Variants in DPYSL4 observed in about 807,000 individuals in gnomAD.
The protein encoded by DPYSL4 is dihydropyrimidinase like 4.
DPYSL4 carries 43 observed loss-of-function variants against 63.4 expected under a neutral mutation model. The ratio of observed to expected loss-of-function variants is 0.68; its 90% CI spans 0.53 to 0.88. The LOEUF (loss-of-function observed/expected upper bound fraction) is 0.88. DPYSL4 is among the 40% of genes least tolerant of loss of function. The pLI is 0.00. For missense variants in DPYSL4, 733 were observed against 819.5 expected, an observed-to-expected ratio of 0.89 and a Z score of 1.29; for synonymous variants, 353 against 331.7, an observed-to-expected ratio of 1.06 and a Z score of -0.70.
In DPYSL4 at chr10:132,194,942, G is replaced by A; in HGVS notation, c.411G>A (p.Leu137=). ...GCGCGGCCTGCTGCGACTACTCCCT[G>A]CACGTGGACATCACCCGATGGCATG... The part of the protein sequence containing the change: ...ADSAACCDYS[L]HVDITRWHES... The change falls in exon 4 of 14, where the codon CTG becomes CTA. Residue 137 remains leucine (L), a synonymous_variant. Transcript: ENST00000338492. 6.2e-7 allele frequency: 1 copy of A among 1,611,992 alleles called. No individual in the cohort carries two copies. The highest frequency in any genetic ancestry group is 1.1e-5 in the South Asian group (1 of 91,072).
chr10:132,202,194 A>G, intron 11 of DPYSL4, 78 bp downstream of exon 11: 1 of 1,526,078 alleles, frequency 6.6e-7, no homozygotes, highest in Non-Finnish European at 8.8e-7. Flanking sequence ...GGAGAGGCGC[A>G]GGACAGAGGC....
intron 12 of DPYSL4, 196 bp from the exon 13 acceptor site, chr10:132,203,566 G>A: frequency 1.7e-6 from 1 of 588,406 alleles, no homozygotes; most frequent in Admixed American, 3.0e-5. Flanking sequence ...AGGACTGCAA[G>A]GAGGGAGGCG....
chr10:132,203,955 G>T, intron 13 of DPYSL4, 28 bp downstream of exon 13: 1 of 1,578,440 alleles, frequency 6.3e-7, no homozygotes. Context: ...CACCAGTGGG[G>T]GTGAGGGGCT....
chr10:132,203,825 C>T lies in DPYSL4; in HGVS notation c.1525C>T (p.Pro509Ser). 2 of 1,612,744 alleles carry T rather than the reference C, an allele frequency of 1.2e-6. No homozygotes were observed. Among genetic ancestry groups the T allele is most frequent in the Non-Finnish European group, 1.7e-6 (2 of 1,179,772 alleles). Residue 509 changes from proline (P) to serine (S), a missense_variant, in exon 13 of 14, where the codon CCT (proline) becomes TCT (serine). By Grantham distance (74) the Pro-to-Ser change is moderately conservative. Coordinates refer to ENST00000338492, the MANE Select transcript of DPYSL4 (RefSeq NM_006426.3). Reference protein sequence around the residue: ...YDGPVHEVMVPAKPGSGAPAR... With the variant: ...YDGPVHEVMVSAKPGSGAPAR... ...CGGGCCCGTCCACGAGGTGATGGTG[C>T]CTGCCAAGCCAGGGAGTGGCGCTCC...
rs1401630210 is a variant in DPYSL4, at chr10:132,202,822, C to G, written c.1458C>G (p.Asn486Lys). The change falls in exon 12 of 14, where the codon AAC becomes AAG. Residue 486 changes from asparagine to lysine, a missense_variant. Transcript: ENST00000338492. ...TCTACAAGAGGATCAAAGCTCGCAA[C>G]AGGGTAGGGCGGCACCCGCAAGGGT... ...DFVYKRIKAR[N>K]RLAEIHGVPR... is the part of the protein sequence containing the mutation. The G allele has an allele frequency of 2.1e-5, 33 of 1,588,954 alleles. No individual in the cohort carries two copies. Among genetic ancestry groups the G allele is most frequent in the Non-Finnish European group, 2.7e-5 (32 of 1,166,476 alleles).
chr10:132,201,841 C>T (rs1296392836), intron 10 of DPYSL4, 105 bp from the exon 11 acceptor site: 1 of 1,257,148 alleles, frequency 8.0e-7, no homozygotes, highest in Non-Finnish European at 1.1e-6. Context: ...GGCCTGGTGA[C>T]CTGGCATCCA....
At position 132,198,819 on chromosome 10, in the gene DPYSL4, G is replaced by C. The variant is rs374477558; in HGVS notation, c.691-32G>C. On this transcript the variant is annotated intron_variant, in intron 7 of 13. Transcript: ENST00000338492. ...ACTGGTCTGGAGCCCCAGGGCCCTC[G>C]TGTGGCCTCATCCCTCTCATCTCGT... The C allele has an allele frequency of 2.5e-5, 40 of 1,611,236 alleles. No homozygotes were observed. In the South Asian group the frequency reaches 3.6e-4, roughly 15 times the overall value.
rs746836946 is a variant in DPYSL4 at position 132,200,448 on chromosome 10, G to A, written c.904G>A (p.Val302Ile). Residue 302 changes from valine (V) to isoleucine (I), a missense_variant, in exon 9 of 14, where the codon GTC (valine) becomes ATC (isoleucine). By Grantham distance (29) the Val-to-Ile change is conservative. Coordinates refer to ENST00000338492, the MANE Select transcript of DPYSL4 (RefSeq NM_006426.3). Reference sequence around the variant, plus strand: ...GAACTGGGCCAAGGCCGCAGCCTTCGTCACATCACCCCCTGTCAACCCAGA... The same window carrying A: ...GAACTGGGCCAAGGCCGCAGCCTTCATCACATCACCCCCTGTCAACCCAGA... Reference protein sequence around the residue: ...SKNWAKAAAFVTSPPVNPDPT... With the variant: ...SKNWAKAAAFITSPPVNPDPT... 52 of 1,613,422 alleles carry A rather than the reference G, an allele frequency of 3.2e-5. No individual in the cohort carries two copies. The highest frequency in any genetic ancestry group is 3.5e-5 in the Non-Finnish European group (41 of 1,179,938).
chr10:132,199,630 T>C (rs1483113061), intron 8 of DPYSL4, among the ~76,000 whole-genome samples: 2 of 131,928 alleles, frequency 1.5e-5, no homozygotes, highest in Non-Finnish European at 1.5e-5. Flanking sequence ...CACTGAGTCC[T>C]GAGAGACCTC....
At position 132,192,715 on chromosome 10, in the gene DPYSL4, C is replaced by T; in HGVS notation, c.186C>T (p.Gly62=). The change falls in exon 3 of 14, where the codon GGC becomes GGT. Residue 62 remains glycine (G), a synonymous_variant. Coordinates refer to ENST00000338492, the MANE Select transcript of DPYSL4 (RefSeq NM_006426.3). ...PGGIKTIDAH[G]LMVLPGGVDV... The stretch of plus-strand genomic sequence containing the variant: ...GCATCAAGACCATTGACGCCCACGG[C>T]CTGATGGTCCTTCCTGGTGGCGTTG... 6.2e-7 allele frequency: 1 copy of T among 1,613,448 alleles called. No homozygotes were observed. The highest frequency in any genetic ancestry group is 8.5e-7 in the Non-Finnish European group (1 of 1,179,950).
chr10:132,197,109 G>A lies in DPYSL4; in HGVS notation c.621+8G>A, dbSNP rs112243018. The A allele has an allele frequency of 6.7e-7, 1 of 1,494,650 alleles. No homozygotes were observed. Among genetic ancestry groups the A allele is most frequent in the Non-Finnish European group, 8.9e-7 (1 of 1,118,792 alleles). 92.6% of individuals were successfully genotyped at this position (1,494,650 alleles called of 1,614,324 possible). ...GGGGACATCGTGGAGGAGGTGCCGT[G>A]GGGCAGGGCTGCCGTGGGGCAGGCA... On this transcript the variant is annotated splice_region_variant and intron_variant, in intron 6 of 13. Coordinates refer to ENST00000338492, the MANE Select transcript of DPYSL4 (RefSeq NM_006426.3).
intron 8 of DPYSL4, among the ~76,000 whole-genome samples, chr10:132,199,289 G>A (rs942749145): frequency 4.6e-5 from 7 of 152,172 alleles, no homozygotes; most frequent in Admixed American, 6.5e-5. Flanking sequence ...GAGAATTCCA[G>A]TTCCAACAAG....
At chr10:132,199,082 G>A in intron 8 of DPYSL4, 111 bp downstream of exon 8, 1 of 1,429,282 alleles carries the variant, frequency 7.0e-7, no homozygotes. Flanking sequence ...CGGGGCACTG[G>A]ACCCTGAGTC....
At position 132,187,113 on chromosome 10, in the gene DPYSL4, T is replaced by TCCCGCTTCGCCCGGC; in HGVS notation, c.39+12_39+26dup. 3 of 1,491,056 alleles carry TCCCGCTTCGCCCGGC rather than the reference T, an allele frequency of 2.0e-6. No individual in the cohort carries two copies. Among genetic ancestry groups the TCCCGCTTCGCCCGGC allele is most frequent in the Non-Finnish European group, 2.7e-6 (3 of 1,108,146 alleles). The allele number at this position is 1,491,056 out of a possible 1,614,324, so 92.4% of individuals were successfully genotyped here. On this transcript the variant is annotated intron_variant, in intron 1 of 13. Coordinates refer to ENST00000338492, the MANE Select transcript of DPYSL4 (RefSeq NM_006426.3). ...ATCCCCCGGATCACGGTGAGCCCGGTCCCGCTTCGCCCGGCGCCCCCTGCC... is the reference window on the plus strand; with the variant it reads ...ATCCCCCGGATCACGGTGAGCCCGGTCCCGCTTCGCCCGGCCCCGCTTCGCCCGGCGCCCCCTGCC...
intron 1 of DPYSL4, among the ~76,000 whole-genome samples, chr10:132,187,345 T>TGCCCGGCCCG (rs1460590050): frequency 2.3e-5 from 1 of 44,352 alleles, no homozygotes; most frequent in Admixed American, 2.8e-4. Flanking sequence ...GGCCCGGCCC[T>TGCCCGGCCCG]GCCCGGCCCT....
At chr10:132,195,596 C>G in intron 4 of DPYSL4, among the ~76,000 whole-genome samples, 1 of 152,182 alleles carries the variant, frequency 6.6e-6, no homozygotes, top group Non-Finnish European at 1.5e-5. Context: ...CCTGGCACTC[C>G]CAGGGATGCC....
intron 3 of DPYSL4, among the ~76,000 whole-genome samples, chr10:132,193,881 G>A (rs1178815366): frequency 1.3e-5 from 2 of 152,206 alleles, no homozygotes; most frequent in East Asian, 3.8e-4. Context: ...GCTTGGTTTG[G>A]TTTACTCAGC....
At chr10:132,192,571 A>G (rs765903021) in intron 2 of DPYSL4, 87 bp from the exon 3 acceptor site, 7 of 1,492,450 alleles carry the variant, frequency 4.7e-6, no homozygotes, top group Non-Finnish European at 6.2e-6. Context: ...AGCTCATGCA[A>G]ACCCTTTAGC....
rs137972259 is a variant in DPYSL4 at position 132,201,916 on chromosome 10, C to T, written c.1111-30C>T. 484 of 1,595,002 alleles carry T rather than the reference C, an allele frequency of 3.0e-4. 5 individuals carry two copies. The East Asian group carries it at 9.6e-3, about 32-fold the overall frequency. On this transcript the variant is annotated intron_variant, in intron 10 of 13. Transcript: ENST00000338492. Reference sequence around the variant, plus strand: ...CAAGCCTCACCCCAACCCCACCCGTCGCCCTCAGCTCAGCCTTCTTGTTCC... The same window carrying T: ...CAAGCCTCACCCCAACCCCACCCGTTGCCCTCAGCTCAGCCTTCTTGTTCC...
Sources: allele counts gnomAD v4.1 joint callset (sites outside exome capture counted in the v4.1 genomes callset), GRCh38; gene constraint gnomAD v4.1.1; transcripts MANE v1.5; gene names NCBI Gene and HGNC (gene_info 2026-07-23, HGNC 2026-07-21).